Variants in PTPRT observed in about 807,000 individuals in gnomAD.
PTPRT encodes receptor-type tyrosine-protein phosphatase T.
Under a neutral mutation model 176.8 loss-of-function variants are expected in PTPRT, and 56 were observed. The ratio of observed to expected loss-of-function variants is 0.32; its 90% CI spans 0.26 to 0.40. PTPRT has a LOEUF of 0.40. Among genes scored for constraint, PTPRT ranks in the 10% least tolerant of loss-of-function variants. The pLI is 1.00. For synonymous variants in PTPRT, 783 were observed against 739.0 expected (o/e 1.06, Z -0.96); for missense variants, 1,540 against 1,908.2 (o/e 0.81, Z 3.60).
intron 1 of PTPRT, among the ~76,000 whole-genome samples, chr20:43,164,364 C>T (rs1018392513): frequency 2.0e-5 from 3 of 152,106 alleles, no homozygotes; most frequent in African/African-American, 7.2e-5. Flanking sequence ...TGCTTTCTCC[C>T]CATTACATTC....
chr20:42,419,250 A>C (rs1182289050), intron 9 of PTPRT, among the ~76,000 whole-genome samples: 5 of 152,096 alleles, frequency 3.3e-5, no homozygotes, highest in Non-Finnish European at 5.9e-5. Context: ...ACAGAGGTTG[A>C]GCCTGGCTCA....
chr20:42,356,417 G>A (rs973047120), intron 9 of PTPRT, among the ~76,000 whole-genome samples: 2 of 152,160 alleles, frequency 1.3e-5, no homozygotes, highest in Non-Finnish European at 2.9e-5. Context: ...ATCCCAGGCT[G>A]AGCACAGTGG....
chr20:42,133,569 A>G (rs1227019739), intron 18 of PTPRT, among the ~76,000 whole-genome samples: 1 of 152,200 alleles, frequency 6.6e-6, no homozygotes. Context: ...AGCATAGAGG[A>G]TGTTTAAGGC....
chr20:42,109,570 A>G (rs955221366), intron 23 of PTPRT, among the ~76,000 whole-genome samples: 1 of 152,188 alleles, frequency 6.6e-6, no homozygotes, highest in Non-Finnish European at 1.5e-5. Context: ...CTTGAAAATA[A>G]TATAGAAATG....
chr20:42,119,890 C>A, intron 20 of PTPRT, 45 bp downstream of exon 20: 1 of 1,553,504 alleles, frequency 6.4e-7, no homozygotes, highest in Non-Finnish European at 8.8e-7. Context: ...TCCCCTGGGA[C>A]CCCTGAAGCC....
the PTPRT span, among the ~76,000 whole-genome samples, chr20:42,046,787 G>GTGTGTGTGTC: frequency 3.9e-5 from 6 of 152,160 alleles, no homozygotes; most frequent in South Asian, 4.2e-4. Context: ...GAGTGTGTGT[G>GTGTGTGTGTC]TGTGTGTGTC....
chr20:42,090,043 A>G (rs1027622795), intron 27 of PTPRT, among the ~76,000 whole-genome samples: 1 of 152,174 alleles, frequency 6.6e-6, no homozygotes, highest in African/African-American at 2.4e-5. Flanking sequence ...CCTGGATTCA[A>G]ATCGTGGCTC....
Position 42,861,364 on chromosome 20 carries a change from C to A in PTPRT, c.214+24443G>T, listed in dbSNP as rs111418326. Among the ~76,000 whole-genome samples the A allele has an allele frequency of 2.5e-3, 376 of 152,256 alleles. 3 individuals are homozygous for A. Among genetic ancestry groups the A allele is most frequent in the African/African-American group, 8.4e-3 (348 of 41,532 alleles). On this transcript the variant is annotated intron_variant, in intron 2 of 30. Coordinates refer to ENST00000373187, the MANE Select transcript of PTPRT (RefSeq NM_007050.6). ...TGCTTCTTGCCTAGACATTCCCTAACTGATTGATAAATTAAGACCCAGTGG... is the reference window on the plus strand; with the variant it reads ...TGCTTCTTGCCTAGACATTCCCTAAATGATTGATAAATTAAGACCCAGTGG...
intron 1 of PTPRT, among the ~76,000 whole-genome samples, chr20:43,091,261 T>C (rs2011840077): frequency 6.6e-6 from 1 of 152,008 alleles, no homozygotes. Context: ...TCTTCCAATG[T>C]ATGTGTGTTG....
At chr20:42,123,532 G>A (rs752312744) in intron 19 of PTPRT, among the ~76,000 whole-genome samples, 9 of 152,194 alleles carry the variant, frequency 5.9e-5, no homozygotes, top group Non-Finnish European at 1.3e-4. Context: ...CTCAGAGGAG[G>A]TGGTGGTTGA....
rs999783651 is a variant in PTPRT, at chr20:43,189,178, C to A, written c.88+468G>T. ...TGTATCTCCGAGGAAAAAAGAAAAG[C>A]CGCCGCCCCGGCAGCCTCGGCCTGC... On this transcript the variant is annotated intron_variant, in intron 1 of 30. Coordinates refer to ENST00000373187, the MANE Select transcript of PTPRT (RefSeq NM_007050.6). This position sits in a 1 kb window ranked among gnomAD's most constrained non-coding sequence, Gnocchi z 5.0. 9.9e-5 allele frequency among the ~76,000 whole-genome samples: 15 copies of A among 152,136 alleles called. No individual in the cohort carries two copies. The highest frequency in any genetic ancestry group is 3.4e-4 in the African/African-American group (14 of 41,452).
At chr20:42,818,678 A>T (rs1307764912) in intron 2 of PTPRT, among the ~76,000 whole-genome samples, 1 of 152,190 alleles carries the variant, frequency 6.6e-6, no homozygotes, top group East Asian at 1.9e-4. Flanking sequence ...GAGGAACATA[A>T]ATTACCTGAT....
chr20:42,857,408 A>G (rs1008516153), intron 2 of PTPRT, among the ~76,000 whole-genome samples: 11 of 152,110 alleles, frequency 7.2e-5, no homozygotes, highest in African/African-American at 2.4e-4. Context: ...AGTTATATTA[A>G]TGCACTTCCA....
chr20:42,432,573 A>C (rs7262344), intron 9 of PTPRT, among the ~76,000 whole-genome samples: 23,104 of 152,132 alleles, frequency 0.15, 2,106 homozygotes, highest in East Asian at 0.32. Flanking sequence ...CATTAATTTT[A>C]AAACAGACTC....
At chr20:42,276,684 T>C (rs2057045560) in intron 13 of PTPRT, among the ~76,000 whole-genome samples, 1 of 150,862 alleles carries the variant, frequency 6.6e-6, no homozygotes, top group Non-Finnish European at 1.5e-5. Context: ...AGGATTTGAA[T>C]CCAGGTGTTT....
At chr20:42,088,277 G>A (rs945630406) in intron 27 of PTPRT, among the ~76,000 whole-genome samples, 9 of 152,126 alleles carry the variant, frequency 5.9e-5, no homozygotes, top group Non-Finnish European at 7.4e-5. Context: ...TCTCCTCAGC[G>A]GGGGTCTGGT....
intron 2 of PTPRT, among the ~76,000 whole-genome samples, chr20:42,855,204 C>T (rs2078539828): frequency 6.6e-6 from 1 of 152,120 alleles, no homozygotes. Flanking sequence ...TATAATCACA[C>T]AGCATGGTAT....
chr20:43,075,932 CT>C (rs1440906704), intron 1 of PTPRT, among the ~76,000 whole-genome samples: 1 of 152,148 alleles, frequency 6.6e-6, no homozygotes, highest in Non-Finnish European at 1.5e-5. Flanking sequence ...GTCGAAACCT[CT>C]TTTTTGCTTG....
chr20:43,006,288 C>T (rs1984850915), intron 1 of PTPRT, among the ~76,000 whole-genome samples: 1 of 152,138 alleles, frequency 6.6e-6, no homozygotes, highest in South Asian at 2.1e-4. Flanking sequence ...AGAAAGAAAA[C>T]TTTTATTTTC....
Sources: allele counts gnomAD v4.1 joint callset (sites outside exome capture counted in the v4.1 genomes callset), GRCh38; gene constraint gnomAD v4.1.1; non-coding constraint Gnocchi (gnomAD v3.1); transcripts MANE v1.5; gene names NCBI Gene and HGNC (gene_info 2026-07-23, HGNC 2026-07-21).